Variants in MMAB observed in about 807,000 individuals in gnomAD.
The protein encoded by MMAB is metabolism of cobalamin associated B.
Under a neutral mutation model 30.6 loss-of-function variants are expected in MMAB, and 17 were observed. The ratio of observed to expected loss-of-function variants is 0.56; its 90% CI spans 0.38 to 0.83. MMAB has a LOEUF of 0.83. MMAB is among the 40% of genes least tolerant of loss of function. The pLI is 0.00. For missense variants in MMAB, 311 were observed against 331.6 expected (o/e 0.94, Z 0.48); for synonymous variants, 134 against 138.6 (o/e 0.97, Z 0.23).
chr12:109,568,252 T>C (rs959546086), intron 3 of MMAB: 1 of 174,886 alleles, frequency 5.7e-6, no homozygotes, highest in African/African-American at 2.4e-5. Context: ...CCAAAGAATA[T>C]ACCCTGTGAT....
chr12:109,571,528 A>G, intron 2 of MMAB, 121 bp downstream of exon 2: 6 of 888,580 alleles, frequency 6.8e-6, no homozygotes, highest in South Asian at 4.2e-5. Context: ...CCGGGATTAC[A>G]GGCATGAGCC....
intron 8 of MMAB, 31 bp downstream of exon 8, chr12:109,559,065 A>C (rs1427013077): frequency 6.3e-7 from 1 of 1,590,392 alleles, no homozygotes; most frequent in East Asian, 2.2e-5. Flanking sequence ...CTCGGCTTTC[A>C]GAGAGGAACC....
Position 109,561,815 on chromosome 12 carries a change from G to C in MMAB, c.386C>G (p.Ala129Gly). The change falls in exon 5 of 9, where the codon GCG (alanine) becomes GGG (glycine). Residue 129 changes from alanine (A) to glycine (G), a missense_variant. By Grantham distance (60) the Ala-to-Gly change is moderately conservative. Transcript: ENST00000545712. The surrounding 1 kb of genome is among the most constrained non-coding windows in gnomAD (Gnocchi z 5.3). ...CTLQDVGSAL[A>G]TPCSSAREAH... Reference sequence around the variant, plus strand: ...CTCCCGGGCCGAGGAGCATGGTGTCGCCAGGGCCGAGCCGACGTCCTGCAA... The same window carrying C: ...CTCCCGGGCCGAGGAGCATGGTGTCCCCAGGGCCGAGCCGACGTCCTGCAA... 1.2e-6 allele frequency: 2 copies of C among 1,609,616 alleles called. No individual in the cohort carries two copies. Among genetic ancestry groups the C allele is most frequent in the Middle Eastern group, 1.7e-4 (1 of 6,054 alleles).
At chr12:109,571,532 A>AT in intron 2 of MMAB, 117 bp downstream of exon 2, 2 of 943,206 alleles carry the variant, frequency 2.1e-6, no homozygotes, top group Non-Finnish European at 3.4e-6. Context: ...GATTACAGGC[A>AT]TGAGCCACCG....
In MMAB at chr12:109,556,648, T is replaced by TCA. The variant is rs67024670; in HGVS notation, c.*378_*379dup. The TCA allele has an allele frequency of 0.12, 37,352 of 321,960 alleles. 853 individuals are homozygous for TCA. The highest frequency in any genetic ancestry group is 0.18 in the East Asian group (2,097 of 11,884). The allele number at this position is 321,960 out of a possible 1,614,324, so 19.9% of individuals were successfully genotyped here. On this transcript the variant is annotated 3_prime_UTR_variant, in exon 9 of 9. Coordinates refer to ENST00000545712, the MANE Select transcript of MMAB (RefSeq NM_052845.4). ...GAGCTGGCAGTGGGAGGGCTCTCTC[T>TCA]CACACACACACACACACACACACAC...
rs1256590669 is a variant in MMAB, at chr12:109,556,439, T to C, written c.*589A>G. On this transcript the variant is annotated 3_prime_UTR_variant, in exon 9 of 9. Coordinates refer to ENST00000545712, the MANE Select transcript of MMAB (RefSeq NM_052845.4). ...AAGCCAGGAGTTTCTGAGCCTCGCC[T>C]GTCAATCTGCAGCTATCCTTCCCCC... 2.2e-6 allele frequency: 1 copy of C among 454,030 alleles called. No homozygotes were observed. Among genetic ancestry groups the C allele is most frequent in the African/African-American group, 2.0e-5 (1 of 50,004 alleles). The allele number at this position is 454,030 out of a possible 1,614,324, so 28.1% of individuals were successfully genotyped here.
intron 1 of MMAB, among the ~76,000 whole-genome samples, chr12:109,571,985 T>C (rs1191407316): frequency 6.6e-6 from 1 of 152,220 alleles, no homozygotes; most frequent in African/African-American, 2.4e-5. Context: ...GCTGAAGGAC[T>C]TGATTGATCC....
Position 109,561,397 on chromosome 12 carries a change from G to T in MMAB, c.519+23C>A. The stretch of plus-strand genomic sequence containing the variant: ...ACTGAACCTGCCTGCAGCCGCCCCC[G>T]GTTAAGCCTGCCCAGTACCTACAGG... On this transcript the variant is annotated intron_variant, in intron 6 of 8. Coordinates refer to ENST00000545712, the MANE Select transcript of MMAB (RefSeq NM_052845.4). This position sits in a 1 kb window ranked among gnomAD's most constrained non-coding sequence, Gnocchi z 5.3. The T allele has an allele frequency of 6.5e-7, 1 of 1,548,782 alleles. No individual in the cohort carries two copies. The highest frequency in any genetic ancestry group is 8.7e-7 in the Non-Finnish European group (1 of 1,145,878).
In MMAB at chr12:109,554,039, C is replaced by A; in HGVS notation, c.*2989G>T. ...AATGAGACAGCAGGATCTATCAGAG[C>A]CTGGCATTGTTCGCCACAGCCCAGG... On this transcript the variant is annotated 3_prime_UTR_variant, in exon 9 of 9. Coordinates refer to ENST00000545712, the MANE Select transcript of MMAB (RefSeq NM_052845.4). 2.2e-6 allele frequency: 1 copy of A among 454,106 alleles called. No homozygotes were observed. Among genetic ancestry groups the A allele is most frequent in the Non-Finnish European group, 4.4e-6 (1 of 226,794 alleles). 28.1% of individuals were successfully genotyped at this position (454,106 alleles called of 1,614,324 possible). A position where few individuals can be genotyped will look rare whatever the true frequency, so the allele number is the denominator to read the frequency against.
chr12:109,558,963 T>A lies in MMAB; in HGVS notation c.644+133A>T. 1.4e-6 allele frequency: 1 copy of A among 724,442 alleles called. No individual in the cohort carries two copies. Among genetic ancestry groups the A allele is most frequent in the Non-Finnish European group, 2.5e-6 (1 of 404,620 alleles). The allele number at this position is 724,442 out of a possible 1,614,324, so 44.9% of individuals were successfully genotyped here. A position where few individuals can be genotyped will look rare whatever the true frequency, so the allele number is the denominator to read the frequency against. On this transcript the variant is annotated intron_variant, in intron 8 of 8. Coordinates refer to ENST00000545712, the MANE Select transcript of MMAB (RefSeq NM_052845.4). This position sits in a 1 kb window ranked among gnomAD's most constrained non-coding sequence, Gnocchi z 4.3. ...GTGCCTGGCACAGAGCAGATGTTCA[T>A]AAACACTAAGGGAATGAAGGAGGGG...
chr12:109,562,872 A>G (rs559702170), intron 4 of MMAB, among the ~76,000 whole-genome samples: 2 of 152,312 alleles, frequency 1.3e-5, no homozygotes, highest in East Asian at 1.9e-4. Flanking sequence ...AGGCCCCTGC[A>G]TGACAAATGT....
chr12:109,560,970 T>TGGGGGGGGGGGGGGGGG, intron 7 of MMAB, 70 bp downstream of exon 7: 1 of 808,198 alleles, frequency 1.2e-6, no homozygotes, highest in Non-Finnish European at 2.0e-6. Context: ...CTCCTCTCCC[T>TGGGGGGGGGGGGGGGGG]CTCCCTCCCC....
Position 109,560,719 on chromosome 12 carries a change from G to A in MMAB, c.584+321C>T, listed in dbSNP as rs148924690. On this transcript the variant is annotated intron_variant, in intron 7 of 8. Coordinates refer to ENST00000545712, the MANE Select transcript of MMAB (RefSeq NM_052845.4). ...AACTTCCTGCTGTTCTCAGAATACA[G>A]GGCTCACAAACAAGGTGCAATTGTG... 9.1e-4 allele frequency among the ~76,000 whole-genome samples: 139 copies of A among 152,332 alleles called. 1 individual carries two copies. Among genetic ancestry groups the A allele is most frequent in the African/African-American group, 3.2e-3 (133 of 41,580 alleles).
chr12:109,561,353 G>C lies in MMAB; in HGVS notation c.519+67C>G. ...CACTGTGAAAAGAGGGATTTATTCA[G>C]AGCCCATGTGTGTCTGTCACTGAAC... On this transcript the variant is annotated intron_variant, in intron 6 of 8. Coordinates refer to ENST00000545712, the MANE Select transcript of MMAB (RefSeq NM_052845.4). The surrounding 1 kb of genome is among the most constrained non-coding windows in gnomAD (Gnocchi z 5.3). 6.5e-7 allele frequency: 1 copy of C among 1,542,252 alleles called. No homozygotes were observed. Among genetic ancestry groups the C allele is most frequent in the Non-Finnish European group, 8.7e-7 (1 of 1,145,672 alleles).
chr12:109,570,490 T>A (rs1386669616), intron 2 of MMAB, among the ~76,000 whole-genome samples: 1 of 152,226 alleles, frequency 6.6e-6, no homozygotes, highest in Non-Finnish European at 1.5e-5. Context: ...GTATGTCCCG[T>A]ACATGCTTTT....
At position 109,569,821 on chromosome 12, in the gene MMAB, C is replaced by T. The variant is rs569779732; in HGVS notation, c.197-958G>A. Among the ~76,000 whole-genome samples the T allele has an allele frequency of 1.1e-4, 16 of 152,370 alleles. No individual in the cohort carries two copies. The highest frequency in any genetic ancestry group is 3.6e-4 in the African/African-American group (15 of 41,580). ...CCAAGACAAGGCCACTGCGGAAGAACGTCTGAGCACAGACGACTGTGTCCA... is the reference window on the plus strand; with the variant it reads ...CCAAGACAAGGCCACTGCGGAAGAATGTCTGAGCACAGACGACTGTGTCCA... On this transcript the variant is annotated intron_variant, in intron 2 of 8. Coordinates refer to ENST00000545712, the MANE Select transcript of MMAB (RefSeq NM_052845.4). The surrounding 1 kb of genome is among the most constrained non-coding windows in gnomAD (Gnocchi z 4.1).
In MMAB at chr12:109,554,191, C is replaced by T. The variant is rs1252085652; in HGVS notation, c.*2837G>A. The T allele has an allele frequency of 2.2e-6, 1 of 453,206 alleles. No individual in the cohort carries two copies. The highest frequency in any genetic ancestry group is 2.0e-5 in the African/African-American group (1 of 49,988). The allele number at this position is 453,206 out of a possible 1,614,324, so 28.1% of individuals were successfully genotyped here. ...CCCCAGGACAACTTGGTTCCCCACC[C>T]AATGCCTCCTTCCAGGGCTGCTATG... On this transcript the variant is annotated 3_prime_UTR_variant, in exon 9 of 9. Coordinates refer to ENST00000545712, the MANE Select transcript of MMAB (RefSeq NM_052845.4).
Position 109,569,791 on chromosome 12 carries a change from C to T in MMAB, c.197-928G>A, listed in dbSNP as rs962133241. On this transcript the variant is annotated intron_variant, in intron 2 of 8. Coordinates refer to ENST00000545712, the MANE Select transcript of MMAB (RefSeq NM_052845.4). This position sits in a 1 kb window ranked among gnomAD's most constrained non-coding sequence, Gnocchi z 4.1. Reference sequence around the variant, plus strand: ...AGGCCACTCTATGACTATGACGGTTCGAGACCAAGACAAGGCCACTGCGGA... The same window carrying T: ...AGGCCACTCTATGACTATGACGGTTTGAGACCAAGACAAGGCCACTGCGGA... 3.3e-5 allele frequency among the ~76,000 whole-genome samples: 5 copies of T among 152,178 alleles called. No individual in the cohort carries two copies. The highest frequency in any genetic ancestry group is 2.6e-4 in the Admixed American group (4 of 15,286).
rs1284292824 is a variant in MMAB, at chr12:109,554,997, T to G, written c.*2031A>C. The G allele has an allele frequency of 4.4e-6, 2 of 454,112 alleles. No individual in the cohort carries two copies. Among genetic ancestry groups the G allele is most frequent in the Admixed American group, 4.7e-5 (2 of 42,580 alleles). The allele number at this position is 454,112 out of a possible 1,614,324, so 28.1% of individuals were successfully genotyped here. A position where few individuals can be genotyped will look rare whatever the true frequency, so the allele number is the denominator to read the frequency against. Reference sequence around the variant, plus strand: ...AACGCGACTGTTAACATCCAGGCTGTGACACCCGGTCCTGGAAGGACAGGA... The same window carrying G: ...AACGCGACTGTTAACATCCAGGCTGGGACACCCGGTCCTGGAAGGACAGGA... On this transcript the variant is annotated 3_prime_UTR_variant, in exon 9 of 9. Coordinates refer to ENST00000545712, the MANE Select transcript of MMAB (RefSeq NM_052845.4).
Sources: gnomAD v4.1 joint callset for allele counts (sites outside exome capture counted in the v4.1 genomes callset) on GRCh38, gnomAD v4.1.1 for gene constraint, Gnocchi (gnomAD v3.1) non-coding constraint, MANE v1.5 for transcripts, NCBI Gene and HGNC (gene_info 2026-07-23, HGNC 2026-07-21) for gene names.